PCCA: variants seen among roughly 807,000 people sequenced by gnomAD.
The protein encoded by PCCA is propionyl-CoA carboxylase subunit alpha, also known as propionyl-CoA carboxylase alpha chain, mitochondrial.
In PCCA, 74 loss-of-function variants were observed where a neutral mutation model predicts 101.3. The ratio of observed to expected loss-of-function variants is 0.73; its 90% CI spans 0.61 to 0.89. The LOEUF (loss-of-function observed/expected upper bound fraction) is 0.89. Ranked by LOEUF, PCCA falls within the 40% of genes least tolerant of loss-of-function variation. The probability of loss-of-function intolerance (pLI) is 0.00; values close to 1 mark genes in which losing one functional copy is unlikely to be tolerated. For missense variants in PCCA, 891 were observed against 907.0 expected, an observed-to-expected ratio of 0.98 and a Z score of 0.23; for synonymous variants, 294 against 313.6, an observed-to-expected ratio of 0.94 and a Z score of 0.66.
intron 19 of PCCA, among the ~76,000 whole-genome samples, chr13:100,381,797 G>A (rs1215381463): frequency 6.6e-6 from 1 of 152,222 alleles, no homozygotes; most frequent in Non-Finnish European, 1.5e-5. Flanking sequence ...CCGTTTTGGC[G>A]CCAGTGGGAT....
chr13:100,129,967 T>C (rs1305814755), intron 4 of PCCA, among the ~76,000 whole-genome samples: 1 of 152,236 alleles, frequency 6.6e-6, no homozygotes, highest in Non-Finnish European at 1.5e-5. Flanking sequence ...ACCTGTTTTC[T>C]TAGTTTTCCT....
intron 16 of PCCA, among the ~76,000 whole-genome samples, chr13:100,324,470 A>C (rs541378367): frequency 4.6e-5 from 7 of 152,200 alleles, no homozygotes; most frequent in Admixed American, 1.3e-4. Flanking sequence ...GACAAACTCT[A>C]TAGCCTCGAA....
chr13:100,169,039 C>T (rs1354374985), intron 6 of PCCA, among the ~76,000 whole-genome samples: 1 of 152,058 alleles, frequency 6.6e-6, no homozygotes, highest in African/African-American at 2.4e-5. Flanking sequence ...TAGAATATAG[C>T]TTCTGATTCT....
intron 21 of PCCA, among the ~76,000 whole-genome samples, chr13:100,467,375 G>C (rs952945685): frequency 2.0e-5 from 3 of 151,976 alleles, no homozygotes; most frequent in Non-Finnish European, 4.4e-5. Context: ...GGAGGAGTGG[G>C]CACATTCTTT....
chr13:100,199,541 T>G (rs1204648575), intron 6 of PCCA, among the ~76,000 whole-genome samples: 1 of 152,218 alleles, frequency 6.6e-6, no homozygotes, highest in African/African-American at 2.4e-5. Context: ...TCTTGGTGTT[T>G]CCTACAAATT....
intron 4 of PCCA, among the ~76,000 whole-genome samples, chr13:100,116,604 A>AATT (rs2048822027): frequency 6.6e-6 from 1 of 152,160 alleles, no homozygotes; most frequent in Non-Finnish European, 1.5e-5. Flanking sequence ...TGAGCTGGCC[A>AATT]ATTACCCCCC....
At chr13:100,277,861 T>C (rs773361602) in intron 12 of PCCA, among the ~76,000 whole-genome samples, 30 of 152,338 alleles carry the variant, frequency 2.0e-4, no homozygotes, top group Non-Finnish European at 3.2e-4. Context: ...GTAAGTTATA[T>C]GTAAAAAGTT....
At chr13:100,141,410 T>C (rs1454818671) in intron 4 of PCCA, among the ~76,000 whole-genome samples, 1 of 152,142 alleles carries the variant, frequency 6.6e-6, no homozygotes, top group African/African-American at 2.4e-5. Context: ...TTTATTTATT[T>C]ATGTATTTAT....
chr13:100,210,405 G>A (rs1177735232), intron 7 of PCCA, among the ~76,000 whole-genome samples: 1 of 152,222 alleles, frequency 6.6e-6, no homozygotes, highest in African/African-American at 2.4e-5. Context: ...TGTACTGTCA[G>A]ATCTCTGGAC....
At chr13:100,442,589 C>T (rs548665821) in intron 20 of PCCA, among the ~76,000 whole-genome samples, 14 of 152,286 alleles carry the variant, frequency 9.2e-5, no homozygotes, top group Admixed American at 4.6e-4. Context: ...TAGAAGGGAA[C>T]GCCCAGTATG....
intron 4 of PCCA, among the ~76,000 whole-genome samples, chr13:100,142,133 A>G (rs1487012386): frequency 6.6e-6 from 1 of 151,252 alleles, no homozygotes; most frequent in Non-Finnish European, 1.5e-5. Context: ...GCCAGCTGCC[A>G]CCTCCTATAA....
chr13:100,386,533 C>T (rs1225911508), intron 19 of PCCA, among the ~76,000 whole-genome samples: 2 of 152,206 alleles, frequency 1.3e-5, no homozygotes, highest in East Asian at 1.9e-4. Context: ...AGATGCCTGC[C>T]ACCATGCCTG....
chr13:100,100,230 G>A (rs2152240518), intron 1 of PCCA, among the ~76,000 whole-genome samples: 1 of 152,296 alleles, frequency 6.6e-6, no homozygotes, highest in South Asian at 2.1e-4. Context: ...GACTCTGAGG[G>A]TCAATGCCAC....
At chr13:100,166,874 A>T (rs2055097877) in intron 6 of PCCA, among the ~76,000 whole-genome samples, 1 of 152,168 alleles carries the variant, frequency 6.6e-6, no homozygotes, top group Non-Finnish European at 1.5e-5. Flanking sequence ...CCAACAATGT[A>T]TGAGTGTACT....
At chr13:100,101,231 G>A (rs775283273) in intron 1 of PCCA, among the ~76,000 whole-genome samples, 7 of 152,182 alleles carry the variant, frequency 4.6e-5, no homozygotes, top group Admixed American at 3.3e-4. Flanking sequence ...GTAGATATTA[G>A]TGTTTATCTG....
intron 14 of PCCA, among the ~76,000 whole-genome samples, chr13:100,303,939 T>C (rs896234907): frequency 6.6e-6 from 1 of 152,194 alleles, no homozygotes; most frequent in African/African-American, 2.4e-5. Flanking sequence ...ACAAGTATCA[T>C]AGGGACATAT....
At chr13:100,188,679 T>G (rs748569588) in intron 6 of PCCA, among the ~76,000 whole-genome samples, 2 of 152,224 alleles carry the variant, frequency 1.3e-5, no homozygotes, top group Non-Finnish European at 2.9e-5. Flanking sequence ...CCAATAGCAG[T>G]GTAAAAGTGT....
intron 19 of PCCA, among the ~76,000 whole-genome samples, chr13:100,405,769 CT>C (rs34906541): frequency 0.034 from 3,998 of 116,298 alleles, 147 homozygotes; most frequent in African/African-American, 0.12. Context: ...AAGTGACATT[CT>C]TTTTTTTTTT....
chr13:100,175,561 A>T (rs1329465222), intron 6 of PCCA, among the ~76,000 whole-genome samples: 1 of 152,138 alleles, frequency 6.6e-6, no homozygotes, highest in Non-Finnish European at 1.5e-5. Context: ...TCTAGTGAGC[A>T]TTTTCCTTTA....
Sources: gnomAD v4.1 joint callset for allele counts (sites outside exome capture counted in the v4.1 genomes callset) on GRCh38, gnomAD v4.1.1 for gene constraint, MANE v1.5 for transcripts, NCBI Gene and HGNC (gene_info 2026-07-23, HGNC 2026-07-21) for gene names.